OR14A2: variants seen among roughly 807,000 people sequenced by gnomAD.
OR14A2 encodes olfactory receptor 14A2.
For synonymous variants in OR14A2, 114 were observed against 58.6 expected, an observed-to-expected ratio of 1.95 and a Z score of -4.32; for missense variants, 237 against 152.9, an observed-to-expected ratio of 1.55 and a Z score of -2.90.
At chr1:247,738,862 CTG>C in the OR14A2 span, 3 of 780,710 alleles carry the variant, frequency 3.8e-6, no homozygotes, top group Non-Finnish European at 2.4e-6. Flanking sequence ...ATCCTCAACT[CTG>C]TCGCCTCCAC....
the OR14A2 span, among the ~76,000 whole-genome samples, chr1:247,733,126 A>G: frequency 2.0e-5 from 3 of 152,278 alleles, no homozygotes; most frequent in African/African-American, 7.2e-5. Context: ...TCGGAAATTC[A>G]TCAAACTTGT....
At chr1:247,729,484 A>T in the OR14A2 span, among the ~76,000 whole-genome samples, 1 of 152,074 alleles carries the variant, frequency 6.6e-6, no homozygotes, top group African/African-American at 2.4e-5. Flanking sequence ...AGCCAACATA[A>T]CATAGTTGAA....
chr1:247,723,544 C>G lies in OR14A2; in HGVS notation c.500G>C (p.Cys167Ser). ...AAACTGTGGAATCACACTGGAGCCA[C>G]AGAAAGGCATGGAAAATGTGCCAGC... The change falls in exon 1 of 1, where the codon TGT (cysteine) becomes TCT (serine). Residue 167 changes from cysteine to serine, a missense_variant. Cys to Ser is a moderately radical substitution (Grantham distance 112). Coordinates refer to ENST00000366485, the Ensembl canonical transcript of OR14A2. 3 of 718,138 alleles carry G rather than the reference C, an allele frequency of 4.2e-6. No homozygotes were observed. In the Admixed American group the frequency reaches 6.0e-5, roughly 14 times the overall value. 44.5% of individuals were successfully genotyped at this position (718,138 alleles called of 1,614,324 possible).
the OR14A2 span, among the ~76,000 whole-genome samples, chr1:247,735,230 A>C: frequency 6.6e-6 from 1 of 152,188 alleles, no homozygotes; most frequent in Admixed American, 6.5e-5. Flanking sequence ...ATCCAAGGGA[A>C]GTGTGATGGC....
chr1:247,739,059 A>G, the OR14A2 span: 2 of 780,616 alleles, frequency 2.6e-6, no homozygotes, highest in Non-Finnish European at 4.8e-6. Flanking sequence ...GTCCTGGCTC[A>G]ACAGAGGGGC....
the OR14A2 span, among the ~76,000 whole-genome samples, chr1:247,734,815 C>A: frequency 2.0e-5 from 3 of 152,162 alleles, no homozygotes; most frequent in Admixed American, 6.5e-5. Context: ...GGGGTGTCCA[C>A]AAGAGGTTGC....
At chr1:247,741,921 A>G in the OR14A2 span, among the ~76,000 whole-genome samples, 4 of 152,230 alleles carry the variant, frequency 2.6e-5, no homozygotes. Context: ...GCAAGCTTAC[A>G]GATCACTTCT....
At chr1:247,747,719 G>A in the OR14A2 span, among the ~76,000 whole-genome samples, 19 of 152,248 alleles carry the variant, frequency 1.2e-4, no homozygotes, top group East Asian at 9.6e-4. Context: ...CAGTATTTAC[G>A]TAAGTGCAGC....
chr1:247,728,816 T>C (rs1660449899), upstream of OR14A2, among the ~76,000 whole-genome samples: 1 of 151,504 alleles, frequency 6.6e-6, no homozygotes, highest in South Asian at 2.1e-4. Flanking sequence ...CTTAAGGAGA[T>C]AATTCCATCA....
chr1:247,734,784 C>T, the OR14A2 span, among the ~76,000 whole-genome samples: 26 of 152,142 alleles, frequency 1.7e-4, no homozygotes, highest in African/African-American at 2.2e-4. Flanking sequence ...CTAATCTAAA[C>T]GTCAACTTCG....
the OR14A2 span, among the ~76,000 whole-genome samples, chr1:247,737,387 G>A: frequency 3.3e-5 from 5 of 151,944 alleles, no homozygotes; most frequent in Admixed American, 6.6e-5. Flanking sequence ...AAAGACTCAA[G>A]AGCAAATGGA....
At chr1:247,740,531 T>G in the OR14A2 span, among the ~76,000 whole-genome samples, 1 of 152,226 alleles carries the variant, frequency 6.6e-6, no homozygotes, top group African/African-American at 2.4e-5. Flanking sequence ...TCATTAAAAC[T>G]TCTTTTTCTC....
chr1:247,743,336 G>A, the OR14A2 span, among the ~76,000 whole-genome samples: 1 of 152,134 alleles, frequency 6.6e-6, no homozygotes, highest in Non-Finnish European at 1.5e-5. Flanking sequence ...CTCCACTGGA[G>A]TGTCTATAAT....
the OR14A2 span, among the ~76,000 whole-genome samples, chr1:247,742,851 T>C: frequency 6.6e-6 from 1 of 152,176 alleles, no homozygotes; most frequent in Admixed American, 6.5e-5. Context: ...TAGATATAGG[T>C]TATTTAATTA....
At chr1:247,747,552 G>A in the OR14A2 span, among the ~76,000 whole-genome samples, 119 of 151,778 alleles carry the variant, frequency 7.8e-4, no homozygotes, top group African/African-American at 2.8e-3. Context: ...TTGGTAGAGA[G>A]GGGGTTTCGC....
chr1:247,739,691 T>G, the OR14A2 span: 1 of 588,728 alleles, frequency 1.7e-6, no homozygotes, highest in South Asian at 2.2e-5. Context: ...GCAGTCAGTT[T>G]TAATAGAAAT....
At chr1:247,737,976 T>C in the OR14A2 span, among the ~76,000 whole-genome samples, 1 of 152,206 alleles carries the variant, frequency 6.6e-6, no homozygotes, top group Admixed American at 6.5e-5. Context: ...ATTTGAAAAC[T>C]GATTTGTGAA....
At chr1:247,747,372 T>C in the OR14A2 span, among the ~76,000 whole-genome samples, 1 of 151,566 alleles carries the variant, frequency 6.6e-6, no homozygotes, top group Non-Finnish European at 1.5e-5. Flanking sequence ...TTTTTTTTTT[T>C]TTTTTCTGAG....
At chr1:247,738,470 A>T in the OR14A2 span, 1 of 601,828 alleles carries the variant, frequency 1.7e-6, no homozygotes, top group Admixed American at 3.0e-5. Context: ...GAGAAATATA[A>T]ATTGCTTGAT....
Sources: allele counts gnomAD v4.1 joint callset (sites outside exome capture counted in the v4.1 genomes callset), GRCh38; gene constraint gnomAD v4.1.1; transcripts MANE v1.5; gene names NCBI Gene and HGNC (gene_info 2026-07-23, HGNC 2026-07-21).